Variants in ZFP91 observed in about 807,000 individuals in gnomAD.
ZFP91 encodes the protein E3 ubiquitin-protein ligase ZFP91.
ZFP91 carries 7 observed loss-of-function variants against 63.5 expected under a neutral mutation model. The observed-to-expected ratio is 0.11, with a 90% CI of 0.06 to 0.21. ZFP91 has a LOEUF of 0.21. ZFP91 is among the 10% of genes least tolerant of loss of function. ZFP91 has a pLI of 1.00. For synonymous variants in ZFP91, 330 were observed against 272.1 expected (o/e 1.21, Z -2.10); for missense variants, 628 against 736.6 (o/e 0.85, Z 1.71).
intron 10 of ZFP91, 22 bp downstream of exon 10, chr11:58,616,837 A>G: frequency 6.2e-7 from 1 of 1,604,928 alleles, no homozygotes; most frequent in Non-Finnish European, 8.5e-7. Context: ...TTACTGGTGA[A>G]CATCTGGGTG....
chr11:58,604,402 TCTC>T (rs1855538269), intron 2 of ZFP91, among the ~76,000 whole-genome samples: 2 of 151,708 alleles, frequency 1.3e-5, no homozygotes, highest in East Asian at 3.9e-4. Flanking sequence ...GAATGATTCT[TCTC>T]AGAGTCTGAG....
rs1306889645 is a variant in ZFP91, at chr11:58,605,393, C to T, written c.371-4437C>T. On this transcript the variant is annotated intron_variant, in intron 2 of 10. Transcript: ENST00000316059. ...AATATGCCAGTGTTTTAATTTATGGCTTTAAGTGCTCTCTAGTGTCCTTTA... is the reference window on the plus strand; with the variant it reads ...AATATGCCAGTGTTTTAATTTATGGTTTTAAGTGCTCTCTAGTGTCCTTTA... 2.0e-5 allele frequency among the ~76,000 whole-genome samples: 3 copies of T among 152,148 alleles called. No homozygotes were observed. The East Asian group carries it at 5.8e-4, about 29-fold the overall frequency.
At chr11:58,601,157 T>G (rs1855485180) in intron 2 of ZFP91, among the ~76,000 whole-genome samples, 1 of 152,206 alleles carries the variant, frequency 6.6e-6, no homozygotes, top group African/African-American at 2.4e-5. Context: ...TTCTATTTTT[T>G]AAGAGAGTTT....
At position 58,579,322 on chromosome 11, in the gene ZFP91, A is replaced by T; in HGVS notation, c.41A>T (p.Gln14Leu). The T allele has an allele frequency of 6.7e-7, 1 of 1,493,524 alleles. No homozygotes were observed. Among genetic ancestry groups the T allele is most frequent in the Non-Finnish European group, 8.9e-7 (1 of 1,125,922 alleles). The allele number at this position is 1,493,524 out of a possible 1,614,324, so 92.5% of individuals were successfully genotyped here. ...ETEEPRPPEQ[Q>L]DQEGGEAAKA... ...GAAGAGCCGAGACCCCCGGAGCAGCAGGACCAGGAAGGGGGAGAGGCGGCC... is the reference window on the plus strand; with the variant it reads ...GAAGAGCCGAGACCCCCGGAGCAGCTGGACCAGGAAGGGGGAGAGGCGGCC... Residue 14 changes from glutamine (Q) to leucine (L), a missense_variant, in exon 1 of 11, where the codon CAG (glutamine) becomes CTG (leucine). Transcript: ENST00000316059.
At chr11:58,613,736 G>A (rs886353266) in intron 8 of ZFP91, among the ~76,000 whole-genome samples, 4 of 151,940 alleles carry the variant, frequency 2.6e-5, no homozygotes, top group South Asian at 2.1e-4. Context: ...ATGAGTAAAC[G>A]TACCACTTAT....
rs764941641 is a variant in ZFP91 at position 58,610,330 on chromosome 11, A to G, written c.613A>G (p.Ile205Val). 5.0e-6 allele frequency: 8 copies of G among 1,588,258 alleles called. No individual in the cohort carries two copies. Among genetic ancestry groups the G allele is most frequent in the Non-Finnish European group, 6.8e-6 (8 of 1,173,148 alleles). Reference protein sequence around the residue: ...VGEEHQSPGGISSEEEEEEEE... With the variant: ...VGEEHQSPGGVSSEEEEEEEE... ...AGAAGAGCATCAGTCTCCAGGTGGC[A>G]TTAGGTAAAAAAAACATTAATATTT... is the stretch of plus-strand genomic sequence containing the variant. Residue 205 changes from isoleucine to valine, a missense_variant, in exon 4 of 11, where the codon ATT (isoleucine) becomes GTT (valine). Transcript: ENST00000316059.
chr11:58,591,446 A>G lies in ZFP91; in HGVS notation c.370+6562A>G, dbSNP rs912260701. Among the ~76,000 whole-genome samples, 3 of 152,146 alleles carry G rather than the reference A, an allele frequency of 2.0e-5. No individual in the cohort carries two copies. In the South Asian group the frequency reaches 6.2e-4, roughly 31 times the overall value. Reference sequence around the variant, plus strand: ...ATTTTTGAAATATAGTGTTATTGGGATGTAATTTATACATCATAAAATTCA... The same window carrying G: ...ATTTTTGAAATATAGTGTTATTGGGGTGTAATTTATACATCATAAAATTCA... On this transcript the variant is annotated intron_variant, in intron 2 of 10. Coordinates refer to ENST00000316059, the MANE Select transcript of ZFP91 (RefSeq NM_053023.5).
intron 1 of ZFP91, among the ~76,000 whole-genome samples, chr11:58,581,121 C>G (rs1855107204): frequency 6.6e-6 from 1 of 152,120 alleles, no homozygotes; most frequent in Middle Eastern, 3.2e-3. Flanking sequence ...GTTGTAAATA[C>G]TAAGTACAAG....
At chr11:58,595,401 G>A (rs1855380111) in intron 2 of ZFP91, among the ~76,000 whole-genome samples, 1 of 151,944 alleles carries the variant, frequency 6.6e-6, no homozygotes, top group African/African-American at 2.4e-5. Context: ...TGTTAGAATG[G>A]CCCTTCTAAC....
At chr11:58,596,878 A>T (rs946405017) in intron 2 of ZFP91, among the ~76,000 whole-genome samples, 1 of 151,950 alleles carries the variant, frequency 6.6e-6, no homozygotes, top group Non-Finnish European at 1.5e-5. Flanking sequence ...TGTTCTCTCT[A>T]TTGGGATTTT....
intron 2 of ZFP91, among the ~76,000 whole-genome samples, chr11:58,589,729 G>A (rs1397434248): frequency 6.6e-6 from 1 of 152,168 alleles, no homozygotes; most frequent in African/African-American, 2.4e-5. Flanking sequence ...AATTTACTCA[G>A]ACATCTTGTT....
chr11:58,608,747 G>C (rs1381772075), intron 2 of ZFP91, among the ~76,000 whole-genome samples: 1 of 152,146 alleles, frequency 6.6e-6, no homozygotes, highest in Non-Finnish European at 1.5e-5. Context: ...TGGGATTGCA[G>C]TTAGGCACCA....
In ZFP91 at chr11:58,611,118, CTTTTA is replaced by C. The variant is rs758232182; in HGVS notation, c.722+71_722+75del. 2.0e-5 allele frequency: 29 copies of C among 1,448,246 alleles called. 1 individual carries two copies. The highest frequency in any genetic ancestry group is 3.6e-5 in the South Asian group (3 of 83,236). 89.7% of individuals were successfully genotyped at this position (1,448,246 alleles called of 1,614,324 possible). On this transcript the variant is annotated intron_variant, in intron 5 of 10. Coordinates refer to ENST00000316059, the MANE Select transcript of ZFP91 (RefSeq NM_053023.5). ...ATAAGTAGGAAAGCACTGTTGCATGCTTTTATTTTATCTGTTGCCAAGCTAATGGG... is the reference window on the plus strand; with the variant it reads ...ATAAGTAGGAAAGCACTGTTGCATGCTTTTATCTGTTGCCAAGCTAATGGG...
In ZFP91 at chr11:58,580,093, CT is replaced by C. The variant is rs11416026; in HGVS notation, c.341+484del. On this transcript the variant is annotated intron_variant, in intron 1 of 10. Transcript: ENST00000316059. ...CAGATGTACTAGTGTGTTTATGTAG[CT>C]TTTTTTTTTTTTCACTTTTCTAAAT... is the stretch of plus-strand genomic sequence containing the variant. Among the ~76,000 whole-genome samples, 132 of 144,340 alleles carry C rather than the reference CT, an allele frequency of 9.1e-4. 1 individual carries two copies. Among genetic ancestry groups the C allele is most frequent in the Middle Eastern group, 3.7e-3 (1 of 272 alleles). 94.7% of individuals were successfully genotyped at this position (144,340 alleles called of 152,430 possible).
chr11:58,594,124 T>A (rs11229542), intron 2 of ZFP91, among the ~76,000 whole-genome samples: 1,907 of 152,314 alleles, frequency 0.013, 21 homozygotes, highest in South Asian at 0.05. Flanking sequence ...GTTTAAACTC[T>A]GTCTGTGGCT....
At chr11:58,590,135 A>T (rs1459467884) in intron 2 of ZFP91, among the ~76,000 whole-genome samples, 1 of 152,236 alleles carries the variant, frequency 6.6e-6, no homozygotes, top group Non-Finnish European at 1.5e-5. Flanking sequence ...GGAAAGCCAT[A>T]TTCAGCCAGT....
chr11:58,591,498 T>C (rs1855305485), intron 2 of ZFP91, among the ~76,000 whole-genome samples: 1 of 152,212 alleles, frequency 6.6e-6, no homozygotes, highest in Non-Finnish European at 1.5e-5. Flanking sequence ...AATTTAGGGA[T>C]CTTGGTACAT....
intron 2 of ZFP91, among the ~76,000 whole-genome samples, chr11:58,587,751 A>G (rs1157496478): frequency 6.6e-6 from 1 of 152,168 alleles, no homozygotes; most frequent in Non-Finnish European, 1.5e-5. Context: ...TTCACTTTCT[A>G]ACCTCTGACT....
chr11:58,614,706 C>A (rs1019639164), intron 9 of ZFP91, among the ~76,000 whole-genome samples: 3 of 152,088 alleles, frequency 2.0e-5, no homozygotes, highest in African/African-American at 7.2e-5. Flanking sequence ...AGAAGCTTGG[C>A]AGGATTAAGT....
Sources: gnomAD v4.1 joint callset for allele counts (sites outside exome capture counted in the v4.1 genomes callset) on GRCh38, gnomAD v4.1.1 for gene constraint, MANE v1.5 for transcripts, NCBI Gene and HGNC (gene_info 2026-07-23, HGNC 2026-07-21) for gene names.